SGCZ: variants seen among roughly 807,000 people sequenced by gnomAD.
SGCZ encodes the protein zeta-sarcoglycan.
Under a neutral mutation model 41.3 loss-of-function variants are expected in SGCZ, and 40 were observed. The ratio of observed to expected loss-of-function variants is 0.97; its 90% CI spans 0.75 to 1.26. The LOEUF (loss-of-function observed/expected upper bound fraction) is 1.26. SGCZ is among the 50% of genes most tolerant of loss of function. The pLI, the probability that SGCZ is intolerant of heterozygous loss-of-function variation, is 0.00. For missense variants in SGCZ, 552 were observed against 369.8 expected (o/e 1.49, Z -4.04); for synonymous variants, 206 against 137.5 (o/e 1.50, Z -3.49).
At chr8:14,238,237 T>C (rs1239502268) in intron 3 of SGCZ, among the ~76,000 whole-genome samples, 2 of 152,222 alleles carry the variant, frequency 1.3e-5, no homozygotes, top group Non-Finnish European at 2.9e-5. Flanking sequence ...TTATTTAATT[T>C]TGTCACAAAA....
At chr8:14,641,443 G>C (rs186425189) in intron 1 of SGCZ, among the ~76,000 whole-genome samples, 1 of 151,628 alleles carries the variant, frequency 6.6e-6, no homozygotes, top group South Asian at 2.1e-4. Context: ...TTTGAAATAA[G>C]TCACAATTAT....
chr8:14,822,010 CAAAG>C (rs988890807), intron 1 of SGCZ, among the ~76,000 whole-genome samples: 1 of 150,498 alleles, frequency 6.6e-6, no homozygotes, highest in African/African-American at 2.4e-5. Context: ...AAATTGAAAA[CAAAG>C]AAGTCAATTG....
intron 1 of SGCZ, among the ~76,000 whole-genome samples, chr8:14,982,426 C>T (rs891154512): frequency 1.3e-5 from 2 of 152,116 alleles, no homozygotes; most frequent in Admixed American, 6.5e-5. Flanking sequence ...AATGAGATAA[C>T]ATATTTCTCA....
intron 3 of SGCZ, among the ~76,000 whole-genome samples, chr8:14,253,529 A>G (rs907596922): frequency 2.6e-5 from 4 of 152,076 alleles, no homozygotes; most frequent in Non-Finnish European, 5.9e-5. Flanking sequence ...CTTAACAGAA[A>G]ATCACTTTTT....
At chr8:14,394,557 T>C (rs1472971288) in intron 2 of SGCZ, among the ~76,000 whole-genome samples, 1 of 152,154 alleles carries the variant, frequency 6.6e-6, no homozygotes, top group East Asian at 1.9e-4. Context: ...GAGATCATGG[T>C]TGGTTTTACG....
intron 1 of SGCZ, among the ~76,000 whole-genome samples, chr8:14,645,484 G>GTATATATA (rs71209072): frequency 7.4e-5 from 10 of 135,810 alleles, no homozygotes; most frequent in East Asian, 2.6e-4. Context: ...ATATTTATAT[G>GTATATATA]TATATATATA....
At chr8:14,966,095 A>T (rs538011458) in intron 1 of SGCZ, among the ~76,000 whole-genome samples, 2 of 152,108 alleles carry the variant, frequency 1.3e-5, no homozygotes, top group South Asian at 4.1e-4. Context: ...ATGAAGAGAC[A>T]CCTGAAAAGC....
At chr8:14,603,040 G>C (rs1805643003) in intron 1 of SGCZ, among the ~76,000 whole-genome samples, 2 of 152,152 alleles carry the variant, frequency 1.3e-5, no homozygotes, top group African/African-American at 4.8e-5. Flanking sequence ...TGGCTTCAGA[G>C]ACACTAGGAG....
chr8:14,580,013 A>G (rs923479125), intron 1 of SGCZ, among the ~76,000 whole-genome samples: 2 of 152,192 alleles, frequency 1.3e-5, no homozygotes, highest in African/African-American at 4.8e-5. Context: ...GTGGCTCTGA[A>G]GCACTGAAGG....
chr8:14,261,986 T>G (rs1211332002), intron 3 of SGCZ, among the ~76,000 whole-genome samples: 1 of 152,162 alleles, frequency 6.6e-6, no homozygotes, highest in Admixed American at 6.6e-5. Flanking sequence ...TTAAATTAAT[T>G]TGACCAACTC....
At chr8:14,853,681 G>A (rs574200870) in intron 1 of SGCZ, among the ~76,000 whole-genome samples, 31 of 152,224 alleles carry the variant, frequency 2.0e-4, no homozygotes, top group African/African-American at 6.7e-4. Flanking sequence ...GAATGACAAC[G>A]CTGAGAAATT....
chr8:14,952,467 G>T (rs1160207016), intron 1 of SGCZ, among the ~76,000 whole-genome samples: 1 of 152,120 alleles, frequency 6.6e-6, no homozygotes, highest in Non-Finnish European at 1.5e-5. Flanking sequence ...TTACATTAAA[G>T]TTTAGCTCTA....
chr8:14,216,356 C>T (rs552563688), intron 4 of SGCZ, among the ~76,000 whole-genome samples: 22 of 152,162 alleles, frequency 1.4e-4, no homozygotes, highest in Non-Finnish European at 2.4e-4. Context: ...GGTATTATAT[C>T]GTCTCCTCCG....
Position 14,485,833 on chromosome 8 carries a change from A to ATTT in SGCZ, c.234+68896_234+68898dup, listed in dbSNP as rs71209049. Among the ~76,000 whole-genome samples the ATTT allele has an allele frequency of 4.1e-4, 42 of 103,374 alleles. 3 individuals are homozygous for ATTT. The highest frequency in any genetic ancestry group is 1.3e-3 in the African/African-American group (38 of 28,492). 67.8% of individuals were successfully genotyped at this position (103,374 alleles called of 152,430 possible). On this transcript the variant is annotated intron_variant, in intron 2 of 7. Transcript: ENST00000382080. ...ACTACTTTATATTTTCTCTAGAACA[A>ATTT]TTTTTTTTTTTTTTTTTTTGAGACG...
chr8:14,462,655 C>T (rs541007888), intron 2 of SGCZ, among the ~76,000 whole-genome samples: 17 of 152,032 alleles, frequency 1.1e-4, no homozygotes, highest in Admixed American at 3.9e-4. Flanking sequence ...GAAGTATGAA[C>T]GCTTCCACTT....
At chr8:15,235,439 T>G (rs1802089582) in intron 1 of SGCZ, among the ~76,000 whole-genome samples, 1 of 152,148 alleles carries the variant, frequency 6.6e-6, no homozygotes. Flanking sequence ...CCTCAATAGA[T>G]CCTTGTATCT....
chr8:14,241,993 T>G (rs1446861151), intron 3 of SGCZ, among the ~76,000 whole-genome samples: 1 of 152,220 alleles, frequency 6.6e-6, no homozygotes, highest in African/African-American at 2.4e-5. Flanking sequence ...TATTCAGCAC[T>G]CTGCTAACCA....
chr8:14,996,340 G>A (rs78006673), intron 1 of SGCZ, among the ~76,000 whole-genome samples: 104 of 152,332 alleles, frequency 6.8e-4, no homozygotes, highest in Non-Finnish European at 1.4e-3. Context: ...GACAACTGGT[G>A]CAACCAAATG....
At chr8:15,007,336 T>G (rs1278896351) in intron 1 of SGCZ, among the ~76,000 whole-genome samples, 2 of 152,200 alleles carry the variant, frequency 1.3e-5, no homozygotes, top group African/African-American at 4.8e-5. Flanking sequence ...AAATGTAACT[T>G]TTGAAAAATT....
Sources: allele counts gnomAD v4.1 joint callset (sites outside exome capture counted in the v4.1 genomes callset), GRCh38; gene constraint gnomAD v4.1.1; transcripts MANE v1.5; gene names NCBI Gene and HGNC (gene_info 2026-07-23, HGNC 2026-07-21).